The following IL1R1 variants were observed in gnomAD, a reference collection of about 807,000 sequenced individuals.
IL1R1 encodes interleukin-1 receptor type 1.
In IL1R1, 22 loss-of-function variants were observed where a neutral mutation model predicts 50.2. The ratio of observed to expected loss-of-function variants is 0.44; its 90% CI spans 0.31 to 0.63. The LOEUF (loss-of-function observed/expected upper bound fraction) is 0.63, where lower values mean the gene tolerates loss of function less well. Ranked by LOEUF, IL1R1 falls within the 20% of genes least tolerant of loss-of-function variation. IL1R1 has a pLI of 0.07. For synonymous variants in IL1R1, 251 were observed against 236.7 expected (o/e 1.06, Z -0.55); for missense variants, 509 against 676.2 (o/e 0.75, Z 2.74).
chr2:102,106,770 C>A (rs1456843593), intron 1 of IL1R1, among the ~76,000 whole-genome samples: 1 of 152,156 alleles, frequency 6.6e-6, no homozygotes, highest in African/African-American at 2.4e-5. Context: ...TACCTCACAG[C>A]GATGGAGCAT....
At chr2:102,106,773 T>G (rs1680438511) in intron 1 of IL1R1, among the ~76,000 whole-genome samples, 1 of 152,222 alleles carries the variant, frequency 6.6e-6, no homozygotes, top group Non-Finnish European at 1.5e-5. Flanking sequence ...CTCACAGCGA[T>G]GGAGCATCTT....
At position 102,164,962 on chromosome 2, in the gene IL1R1, G is replaced by A; in HGVS notation, c.250G>A (p.Val84Ile). 3 of 1,614,118 alleles carry A rather than the reference G, an allele frequency of 1.9e-6. No homozygotes were observed. Among genetic ancestry groups the A allele is most frequent in the Non-Finnish European group, 2.5e-6 (3 of 1,179,980 alleles). The change falls in exon 4 of 12, where the codon GTT becomes ATT. Residue 84 changes from valine to isoleucine, a missense_variant. Coordinates refer to ENST00000410023, the MANE Select transcript of IL1R1 (RefSeq NM_000877.4). ...TCAACACAAAGAGAAACTTTGGTTT[G>A]TTCCTGCTAAGGTGGAGGATTCAGG... is the stretch of plus-strand genomic sequence containing the variant. ...IHQHKEKLWF[V>I]PAKVEDSGHY...
upstream of IL1R1, among the ~76,000 whole-genome samples, chr2:102,099,581 G>A (rs866818900): frequency 4.6e-5 from 7 of 151,998 alleles, no homozygotes; most frequent in East Asian, 1.9e-4. Context: ...GGTCTTCTTC[G>A]GCCATGAACA....
intron 8 of IL1R1, chr2:102,172,361 A>C: frequency 1.0e-6 from 1 of 985,276 alleles, no homozygotes; most frequent in Non-Finnish European, 1.2e-6. Context: ...CCTGCAAAGC[A>C]CTTTGTCATC....
Position 102,168,541 on chromosome 2 carries a change from C to T in IL1R1, c.656-57C>T, listed in dbSNP as rs997612017. On this transcript the variant is annotated intron_variant, in intron 6 of 11. Coordinates refer to ENST00000410023, the MANE Select transcript of IL1R1 (RefSeq NM_000877.4). Reference sequence around the variant, plus strand: ...AGTATGTTTTGCTAAGTGTTGTCGTCACTTGAGATTCTGATCTATAAGAGA... The same window carrying T: ...AGTATGTTTTGCTAAGTGTTGTCGTTACTTGAGATTCTGATCTATAAGAGA... 9 of 1,364,080 alleles carry T rather than the reference C, an allele frequency of 6.6e-6. No individual in the cohort carries two copies. The East Asian group carries it at 2.1e-4, about 31-fold the overall frequency. The allele number at this position is 1,364,080 out of a possible 1,614,324, so 84.5% of individuals were successfully genotyped here. A position where few individuals can be genotyped will look rare whatever the true frequency, so the allele number is the denominator to read the frequency against.
upstream of IL1R1, among the ~76,000 whole-genome samples, chr2:102,138,224 C>T (rs1559481634): frequency 6.6e-6 from 1 of 152,182 alleles, no homozygotes; most frequent in African/African-American, 2.4e-5. Flanking sequence ...TAATCTGGTT[C>T]TGTTAGGTGT....
intron 1 of IL1R1, among the ~76,000 whole-genome samples, chr2:102,129,784 A>G (rs1356858657): frequency 6.6e-6 from 1 of 152,172 alleles, no homozygotes; most frequent in Non-Finnish European, 1.5e-5. Context: ...CTTTATGTAG[A>G]GCAGACGTTC....
chr2:102,134,430 C>T (rs970229367), intron 1 of IL1R1, among the ~76,000 whole-genome samples: 6 of 151,312 alleles, frequency 4.0e-5, no homozygotes, highest in South Asian at 2.1e-4. Context: ...CAGGCTGGAG[C>T]GCAATGGCAC....
intron 1 of IL1R1, among the ~76,000 whole-genome samples, chr2:102,143,635 G>T (rs957337747): frequency 6.6e-6 from 1 of 152,200 alleles, no homozygotes; most frequent in South Asian, 2.1e-4. Flanking sequence ...AGAAGTTTAG[G>T]TGACCAACTT....
At chr2:102,108,090 GTAT>G (rs1043613005) in intron 1 of IL1R1, among the ~76,000 whole-genome samples, 6 of 152,196 alleles carry the variant, frequency 3.9e-5, no homozygotes, top group South Asian at 4.1e-4. Context: ...ATGCAAAATG[GTAT>G]TATTATTATT....
intron 1 of IL1R1, among the ~76,000 whole-genome samples, chr2:102,088,807 A>G (rs1679538863): frequency 1.3e-5 from 2 of 152,226 alleles, no homozygotes; most frequent in Non-Finnish European, 2.9e-5. Flanking sequence ...CAGCTTCTAC[A>G]TTAACACTAG....
At chr2:102,119,154 G>A (rs2104387785) in intron 1 of IL1R1, among the ~76,000 whole-genome samples, 1 of 152,288 alleles carries the variant, frequency 6.6e-6, no homozygotes, top group African/African-American at 2.4e-5. Context: ...TTATGGGAGG[G>A]TAATGGCGGT....
chr2:102,095,072 C>A lies in IL1R1; in HGVS notation c.-84+24539C>A, dbSNP rs1559458619. Among the ~76,000 whole-genome samples, 3 of 152,298 alleles carry A rather than the reference C, an allele frequency of 2.0e-5. No homozygotes were observed. In the Middle Eastern group the frequency reaches 0.01, roughly 518 times the overall value. ...AATACTTAACAGATACGCCACTTCACAGCTGTTTCCTAAGAGTTTAACCTT... is the reference window on the plus strand; with the variant it reads ...AATACTTAACAGATACGCCACTTCAAAGCTGTTTCCTAAGAGTTTAACCTT... On this transcript the variant is annotated intron_variant, in intron 1 of 11. Transcript: ENST00000409929.
At chr2:102,174,034 G>T (rs1161628163) in intron 9 of IL1R1, among the ~76,000 whole-genome samples, 4 of 152,126 alleles carry the variant, frequency 2.6e-5, no homozygotes, top group African/African-American at 9.7e-5. Flanking sequence ...GCTTTTACAT[G>T]GTTCCTGATA....
At chr2:102,176,274 A>T in intron 11 of IL1R1, 79 bp from the exon 12 acceptor site, 1 of 1,280,968 alleles carries the variant, frequency 7.8e-7, no homozygotes, top group Non-Finnish European at 1.1e-6. Context: ...GGTTGTGAAA[A>T]GCCTTGTGTG....
chr2:102,126,727 C>T (rs1324742103), intron 1 of IL1R1, among the ~76,000 whole-genome samples: 1 of 152,074 alleles, frequency 6.6e-6, no homozygotes, highest in Non-Finnish European at 1.5e-5. Context: ...ATTTAAAACT[C>T]ACTTAGGTTA....
At chr2:102,081,339 G>A (rs938232970) in intron 1 of IL1R1, among the ~76,000 whole-genome samples, 3 of 152,186 alleles carry the variant, frequency 2.0e-5, no homozygotes, top group Non-Finnish European at 2.9e-5. Context: ...AAGGGAGCCT[G>A]GGATGGAAGA....
chr2:102,134,812 T>A (rs1331073450), intron 1 of IL1R1, among the ~76,000 whole-genome samples: 3 of 152,234 alleles, frequency 2.0e-5, no homozygotes, highest in Non-Finnish European at 4.4e-5. Flanking sequence ...CTAGTAAACT[T>A]GTGGCTTTCC....
intron 1 of IL1R1, among the ~76,000 whole-genome samples, chr2:102,084,824 T>C (rs1434951649): frequency 6.6e-6 from 1 of 152,214 alleles, no homozygotes; most frequent in African/African-American, 2.4e-5. Context: ...CCACACAGCA[T>C]GGTTCTGCTA....
Sources: allele counts gnomAD v4.1 joint callset (sites outside exome capture counted in the v4.1 genomes callset), GRCh38; gene constraint gnomAD v4.1.1; transcripts MANE v1.5; gene names NCBI Gene and HGNC (gene_info 2026-07-23, HGNC 2026-07-21).